Variants in PRPSAP2 observed in about 807,000 individuals in gnomAD.
The protein encoded by PRPSAP2 is phosphoribosyl pyrophosphate synthetase associated protein 2.
PRPSAP2 carries 24 observed loss-of-function variants against 40.6 expected under a neutral mutation model. The ratio of observed to expected loss-of-function variants is 0.59; its 90% CI spans 0.43 to 0.83. The LOEUF (loss-of-function observed/expected upper bound fraction) is 0.83, where lower values mean the gene tolerates loss of function less well. Ranked by LOEUF, PRPSAP2 falls within the 40% of genes least tolerant of loss-of-function variation. The pLI, the probability that PRPSAP2 is intolerant of heterozygous loss-of-function variation, is 0.00. For missense variants in PRPSAP2, 292 were observed against 465.6 expected (o/e 0.63, Z 3.43); for synonymous variants, 149 against 164.7 (o/e 0.90, Z 0.73).
At chr17:18,869,341 CTTTT>C (rs545524445) in intron 4 of PRPSAP2, among the ~76,000 whole-genome samples, 1 of 140,370 alleles carries the variant, frequency 7.1e-6, no homozygotes, top group Non-Finnish European at 1.5e-5. Flanking sequence ...CTTTTCTTTT[CTTTT>C]TTTTTTTTTT....
At chr17:18,925,976 G>A (rs973452772) in intron 10 of PRPSAP2, among the ~76,000 whole-genome samples, 1 of 151,976 alleles carries the variant, frequency 6.6e-6, no homozygotes, top group African/African-American at 2.4e-5. Flanking sequence ...GTAGTGGTGG[G>A]CTCCTGTAGT....
intron 5 of PRPSAP2, 31 bp downstream of exon 5, chr17:18,872,680 GGTTTCA>G (rs766194584): frequency 5.2e-6 from 8 of 1,536,560 alleles, no homozygotes; most frequent in East Asian, 4.5e-5. Flanking sequence ...TTGCTTTCTG[GGTTTCA>G]GTTTAGGCAT....
At chr17:18,927,425 T>G (rs2042031934) in intron 10 of PRPSAP2, among the ~76,000 whole-genome samples, 2 of 152,242 alleles carry the variant, frequency 1.3e-5, no homozygotes, top group African/African-American at 4.8e-5. Context: ...TTTTGAGTTT[T>G]GTTTAACCTA....
rs2040969138 is a variant in PRPSAP2 at position 18,911,712 on chromosome 17, C to G, written c.733+461C>G. On this transcript the variant is annotated intron_variant, in intron 9 of 11. Transcript: ENST00000268835. This position sits in a 1 kb window ranked among gnomAD's most constrained non-coding sequence, Gnocchi z 4.5. ...AGCCCTTTGAAATAATCAAGACTAT[C>G]TGGAAACGAGAAAAATATATGGAAT... is the stretch of plus-strand genomic sequence containing the variant. Among the ~76,000 whole-genome samples, 1 of 152,148 alleles carries G rather than the reference C, an allele frequency of 6.6e-6. No individual in the cohort carries two copies. The highest frequency in any genetic ancestry group is 6.5e-5 in the Admixed American group (1 of 15,276).
chr17:18,885,628 C>T (rs1256219924), intron 7 of PRPSAP2, among the ~76,000 whole-genome samples: 3 of 151,786 alleles, frequency 2.0e-5, no homozygotes, highest in South Asian at 2.1e-4. Flanking sequence ...GCTCTTGTTG[C>T]CCAGGCTGGA....
At chr17:18,866,854 A>G (rs1270884088) in intron 3 of PRPSAP2, among the ~76,000 whole-genome samples, 1 of 152,186 alleles carries the variant, frequency 6.6e-6, no homozygotes, top group African/African-American at 2.4e-5. Flanking sequence ...CTGCTTTAGC[A>G]TGTGTGCTGA....
intron 8 of PRPSAP2, among the ~76,000 whole-genome samples, chr17:18,892,135 G>C (rs1045360636): frequency 1.3e-5 from 2 of 152,192 alleles, no homozygotes; most frequent in African/African-American, 4.8e-5. Context: ...GATTACAGGC[G>C]TGAGCCACCG....
chr17:18,880,639 G>T (rs1264639317), intron 6 of PRPSAP2, among the ~76,000 whole-genome samples: 3 of 152,034 alleles, frequency 2.0e-5, no homozygotes, highest in African/African-American at 7.2e-5. Flanking sequence ...AAACACCTGG[G>T]CTCAAGTGAT....
intron 8 of PRPSAP2, among the ~76,000 whole-genome samples, chr17:18,900,807 C>T (rs1488324791): frequency 6.6e-6 from 1 of 152,146 alleles, no homozygotes; most frequent in Non-Finnish European, 1.5e-5. Flanking sequence ...GCATCATTCT[C>T]ATTGGGTGGT....
chr17:18,928,715 A>C, intron 10 of PRPSAP2, 96 bp from the exon 11 acceptor site: 1 of 1,529,872 alleles, frequency 6.5e-7, no homozygotes, highest in East Asian at 2.3e-5. Flanking sequence ...CAGATTTTTC[A>C]CGGTAAATGT....
rs192179478 is a variant in PRPSAP2 at position 18,898,943 on chromosome 17, C to T, written c.584+9066C>T. Reference sequence around the variant, plus strand: ...TGAGATGGAGTTTCATTCTTGTTGCCCAGGCTGGAGTGCAATGGCGTGATC... The same window carrying T: ...TGAGATGGAGTTTCATTCTTGTTGCTCAGGCTGGAGTGCAATGGCGTGATC... On this transcript the variant is annotated intron_variant, in intron 8 of 11. Coordinates refer to ENST00000268835, the MANE Select transcript of PRPSAP2 (RefSeq NM_002767.4). Among the ~76,000 whole-genome samples the T allele has an allele frequency of 2.1e-3, 318 of 152,078 alleles. 2 individuals are homozygous for T. Among genetic ancestry groups the T allele is most frequent in the Admixed American group, 5.4e-3 (83 of 15,276 alleles).
At position 18,858,243 on chromosome 17, in the gene PRPSAP2, G is replaced by A. The variant is rs2036736561; in HGVS notation, c.-147G>A. Reference sequence around the variant, plus strand: ...TGCAGCTGAGGCTGCGGCGGGGCCGGGGCTGGGGTCGGGGCCAGGTAGGCG... The same window carrying A: ...TGCAGCTGAGGCTGCGGCGGGGCCGAGGCTGGGGTCGGGGCCAGGTAGGCG... On this transcript the variant is annotated 5_prime_UTR_variant, in exon 1 of 12. Coordinates refer to ENST00000268835, the MANE Select transcript of PRPSAP2 (RefSeq NM_002767.4). 1 of 152,606 alleles carries A rather than the reference G, an allele frequency of 6.6e-6. No homozygotes were observed. Among genetic ancestry groups the A allele is most frequent in the South Asian group, 2.0e-4 (1 of 4,944 alleles). 9.5% of individuals were successfully genotyped at this position (152,606 alleles called of 1,614,324 possible).
At chr17:18,868,837 G>A (rs2037626972) in intron 4 of PRPSAP2, among the ~76,000 whole-genome samples, 1 of 151,724 alleles carries the variant, frequency 6.6e-6, no homozygotes, top group African/African-American at 2.4e-5. Flanking sequence ...GATTACAGGT[G>A]TGAGCCACCA....
At chr17:18,859,059 A>G (rs2036811581) in intron 1 of PRPSAP2, among the ~76,000 whole-genome samples, 1 of 151,816 alleles carries the variant, frequency 6.6e-6, no homozygotes, top group South Asian at 2.1e-4. Flanking sequence ...TTGAATATTT[A>G]TTGAATTTCT....
Position 18,919,529 on chromosome 17 carries a change from G to A in PRPSAP2, c.734-4385G>A, listed in dbSNP as rs545024339. ...TCTCAAAAAAAAAAAAATTAGCCAG[G>A]CATGGTGGTGTGCCTGTAATCCCAG... On this transcript the variant is annotated intron_variant, in intron 9 of 11. Transcript: ENST00000268835. 1.1e-4 allele frequency among the ~76,000 whole-genome samples: 17 copies of A among 151,900 alleles called. No individual in the cohort carries two copies. The South Asian group carries it at 3.5e-3, about 32-fold the overall frequency.
intron 10 of PRPSAP2, among the ~76,000 whole-genome samples, chr17:18,927,485 A>G (rs2042034851): frequency 6.6e-6 from 1 of 152,144 alleles, no homozygotes; most frequent in Non-Finnish European, 1.5e-5. Flanking sequence ...TTAATATGTT[A>G]TTCCTTTTTA....
chr17:18,870,288 C>T (rs992692645), intron 4 of PRPSAP2, among the ~76,000 whole-genome samples: 7 of 152,016 alleles, frequency 4.6e-5, no homozygotes, highest in East Asian at 1.9e-4. Context: ...AATCCCAGCA[C>T]GTTGGGATGC....
intron 5 of PRPSAP2, among the ~76,000 whole-genome samples, chr17:18,872,967 C>G (rs1046521893): frequency 6.6e-6 from 1 of 151,432 alleles, no homozygotes. Flanking sequence ...CTCAGCCTCC[C>G]GAGTAGCTGG....
At chr17:18,915,197 G>A (rs1175692464) in intron 9 of PRPSAP2, among the ~76,000 whole-genome samples, 1 of 151,436 alleles carries the variant, frequency 6.6e-6, no homozygotes, top group East Asian at 1.9e-4. Flanking sequence ...GCTAATTTTT[G>A]TATTTTATGT....
Sources: allele counts gnomAD v4.1 joint callset (sites outside exome capture counted in the v4.1 genomes callset), GRCh38; gene constraint gnomAD v4.1.1; non-coding constraint Gnocchi (gnomAD v3.1); transcripts MANE v1.5; gene names NCBI Gene and HGNC (gene_info 2026-07-23, HGNC 2026-07-21).